The following HIP1 variants were observed in gnomAD, a reference collection of about 807,000 sequenced individuals.
The protein encoded by HIP1 is huntingtin-interacting protein 1.
A neutral mutation model predicts 147.6 loss-of-function variants in HIP1; 65 were observed. The ratio of observed to expected loss-of-function variants is 0.44; its 90% CI spans 0.36 to 0.54. HIP1 has a LOEUF of 0.54. Among genes scored for constraint, HIP1 ranks in the 20% least tolerant of loss-of-function variants. HIP1 has a pLI of 0.00. For synonymous variants in HIP1, 479 were observed against 504.0 expected (o/e 0.95, Z 0.67); for missense variants, 1,061 against 1,299.6 (o/e 0.82, Z 2.82).
intron 9 of HIP1, among the ~76,000 whole-genome samples, chr7:75,566,112 TC>T (rs1320513399): frequency 6.6e-6 from 1 of 151,126 alleles, no homozygotes; most frequent in African/African-American, 2.5e-5. Flanking sequence ...CACTGCAACC[TC>T]CACCTCCTGG....
chr7:75,607,633 G>A (rs1797280476), intron 1 of HIP1, among the ~76,000 whole-genome samples: 2 of 151,560 alleles, frequency 1.3e-5, no homozygotes, highest in Non-Finnish European at 2.9e-5. Flanking sequence ...GATCACTTGA[G>A]CCCAGGAGTT....
chr7:75,620,593 C>T (rs1177039453), intron 1 of HIP1, among the ~76,000 whole-genome samples: 1 of 151,860 alleles, frequency 6.6e-6, no homozygotes, highest in Admixed American at 6.6e-5. Context: ...AGCTGAGGAA[C>T]AAGAATTGCT....
chr7:75,657,594 G>A (rs1180838665), intron 1 of HIP1, among the ~76,000 whole-genome samples: 1 of 150,972 alleles, frequency 6.6e-6, no homozygotes, highest in East Asian at 1.9e-4. Flanking sequence ...CAGCCACATG[G>A]ATGCAGCTGG....
At chr7:75,713,879 T>C (rs1554520330) in intron 1 of HIP1, among the ~76,000 whole-genome samples, 1 of 151,594 alleles carries the variant, frequency 6.6e-6, no homozygotes, top group African/African-American at 2.4e-5. Context: ...TTTGTATTTT[T>C]AGTAGAGACA....
In HIP1 at chr7:75,554,541, A is replaced by T. The variant is rs1478716649; in HGVS notation, c.1964-15T>A. ...GAGGAGGTGATCTGTGAGAGGGAACACAGGGCAAGGTCAGAGCAAGTTCTC... is the reference window on the plus strand; with the variant it reads ...GAGGAGGTGATCTGTGAGAGGGAACTCAGGGCAAGGTCAGAGCAAGTTCTC... On this transcript the variant is annotated splice_polypyrimidine_tract_variant and intron_variant, in intron 19 of 30. Transcript: ENST00000336926. 2 of 1,603,568 alleles carry T rather than the reference A, an allele frequency of 1.2e-6. No individual in the cohort carries two copies. The highest frequency in any genetic ancestry group is 4.5e-5 in the East Asian group (2 of 44,840).
At chr7:75,573,736 A>G (rs1195543731) in intron 8 of HIP1, 25 bp downstream of exon 8, 5 of 1,606,882 alleles carry the variant, frequency 3.1e-6, no homozygotes, top group Admixed American at 3.4e-5. Flanking sequence ...ATCTCATGTA[A>G]GAAGATCTGG....
rs1794624102 is a variant in HIP1, at chr7:75,547,724, C to T, written c.2465+31G>A. Reference sequence around the variant, plus strand: ...AATGTCAGGAAGACAGATCCTGCTCCCCTAGGTCCCACCATGCCGCTCAGA... The same window carrying T: ...AATGTCAGGAAGACAGATCCTGCTCTCCTAGGTCCCACCATGCCGCTCAGA... On this transcript the variant is annotated intron_variant, in intron 24 of 30. Coordinates refer to ENST00000336926, the MANE Select transcript of HIP1 (RefSeq NM_005338.7). 3.2e-6 allele frequency: 5 copies of T among 1,583,918 alleles called. No individual in the cohort carries two copies. In the African/African-American group the frequency reaches 5.4e-5, roughly 17 times the overall value.
chr7:75,555,355 A>G, intron 19 of HIP1, 61 bp downstream of exon 19: 1 of 1,597,608 alleles, frequency 6.3e-7, no homozygotes, highest in Non-Finnish European at 8.6e-7. Flanking sequence ...GAGATTCAAC[A>G]TCAACAGAGT....
intron 1 of HIP1, among the ~76,000 whole-genome samples, chr7:75,657,677 G>A (rs1053169078): frequency 3.3e-5 from 5 of 151,984 alleles, no homozygotes; most frequent in East Asian, 1.9e-4. Flanking sequence ...ACTCATAAGC[G>A]GGTGCTAAAC....
chr7:75,727,228 G>A (rs1753677912), intron 1 of HIP1, among the ~76,000 whole-genome samples: 1 of 151,822 alleles, frequency 6.6e-6, no homozygotes, highest in Admixed American at 6.6e-5. Flanking sequence ...CAGTCTCCTA[G>A]GCCGAGTAGC....
At chr7:75,538,262 T>A (rs782185219) in intron 30 of HIP1, 38 bp from the exon 31 acceptor site, 1 of 1,524,832 alleles carries the variant, frequency 6.6e-7, no homozygotes, top group Non-Finnish European at 9.1e-7. Flanking sequence ...AAAGCACTCA[T>A]GAATGCATTC....
At chr7:75,719,303 A>G (rs553109453) in intron 1 of HIP1, among the ~76,000 whole-genome samples, 131 of 152,032 alleles carry the variant, frequency 8.6e-4, no homozygotes, top group South Asian at 2.7e-3. Context: ...AGGAGATCAA[A>G]ACCATCCTGG....
Position 75,595,240 on chromosome 7 carries a change from C to CTT in HIP1, c.185-2728_185-2727dup, listed in dbSNP as rs1796669262. 8.6e-5 allele frequency among the ~76,000 whole-genome samples: 10 copies of CTT among 115,998 alleles called. 1 individual carries two copies. Among genetic ancestry groups the CTT allele is most frequent in the African/African-American group, 3.5e-4 (9 of 25,850 alleles). 76.1% of individuals were successfully genotyped at this position (115,998 alleles called of 152,430 possible). ...TCTTTCTTTCTTTCTTTCTTTCTTT[C>CTT]TTTCTTTCTTTCTTCCTTCCTTCCT... On this transcript the variant is annotated intron_variant, in intron 2 of 30. Coordinates refer to ENST00000336926, the MANE Select transcript of HIP1 (RefSeq NM_005338.7).
intron 1 of HIP1, among the ~76,000 whole-genome samples, chr7:75,687,284 C>T (rs1554517668): frequency 6.6e-6 from 1 of 152,154 alleles, no homozygotes; most frequent in African/African-American, 2.4e-5. Context: ...CTGTGGCTGG[C>T]CCCCAGTACC....
At chr7:75,561,114 G>T (rs192998044) in intron 13 of HIP1, among the ~76,000 whole-genome samples, 10 of 151,880 alleles carry the variant, frequency 6.6e-5, no homozygotes, top group African/African-American at 2.2e-4. Context: ...CAACACACCC[G>T]GCTAATTATT....
At chr7:75,630,458 CAAAA>C (rs34336932) in intron 1 of HIP1, among the ~76,000 whole-genome samples, 39 of 105,228 alleles carry the variant, frequency 3.7e-4, no homozygotes, top group South Asian at 1.4e-3. Context: ...AGATCCACCT[CAAAA>C]AAAAAAAAAA....
At position 75,588,003 on chromosome 7, in the gene HIP1, T is replaced by G. The variant is rs1796347007; in HGVS notation, c.385-1170A>C. Among the ~76,000 whole-genome samples the G allele has an allele frequency of 1.3e-5, 2 of 151,966 alleles. 1 individual carries two copies. The highest frequency in any genetic ancestry group is 4.2e-4 in the South Asian group (2 of 4,808). On this transcript the variant is annotated intron_variant, in intron 4 of 30. Coordinates refer to ENST00000336926, the MANE Select transcript of HIP1 (RefSeq NM_005338.7). ...CACCACCAACACACACACAAAAGAC[T>G]GCCTCCTTGGTATAGGGGAAGTAAA...
At chr7:75,559,318 G>A (rs1795134982) in intron 14 of HIP1, among the ~76,000 whole-genome samples, 1 of 152,086 alleles carries the variant, frequency 6.6e-6, no homozygotes, top group Non-Finnish European at 1.5e-5. Context: ...GTCTTGCTAT[G>A]TTGCCCGGGT....
intron 1 of HIP1, among the ~76,000 whole-genome samples, chr7:75,650,171 C>A (rs755771165): frequency 2.0e-5 from 3 of 152,126 alleles, no homozygotes; most frequent in Non-Finnish European, 4.4e-5. Context: ...AGGCAGGCTG[C>A]GGGAGGCCAG....
Sources: allele counts gnomAD v4.1 joint callset (sites outside exome capture counted in the v4.1 genomes callset), GRCh38; gene constraint gnomAD v4.1.1; transcripts MANE v1.5; gene names NCBI Gene and HGNC (gene_info 2026-07-23, HGNC 2026-07-21).